ABCA9: variants seen among roughly 807,000 people sequenced by gnomAD.
The protein encoded by ABCA9 is ATP-binding cassette sub-family A member 9.
ABCA9 carries 183 observed loss-of-function variants against 205.3 expected under a neutral mutation model. That is an observed-to-expected ratio of 0.89 (90% CI 0.79 to 1.01). The LOEUF (loss-of-function observed/expected upper bound fraction) is 1.01, where lower values mean the gene tolerates loss of function less well. ABCA9 is among the 50% of genes least tolerant of loss of function. The pLI, the probability that ABCA9 is intolerant of heterozygous loss-of-function variation, is 0.00. For synonymous variants in ABCA9, 651 were observed against 683.3 expected (o/e 0.95, Z 0.74); for missense variants, 1,805 against 1,912.4 (o/e 0.94, Z 1.05).
intron 16 of ABCA9, among the ~76,000 whole-genome samples, chr17:69,025,219 A>G (rs1490205021): frequency 6.6e-6 from 1 of 152,188 alleles, no homozygotes; most frequent in Non-Finnish European, 1.5e-5. Context: ...CTTGTCAAGT[A>G]TTCATTCACT....
the ABCA9 span, among the ~76,000 whole-genome samples, chr17:69,074,377 C>T: frequency 6.6e-6 from 1 of 152,106 alleles, no homozygotes; most frequent in Non-Finnish European, 1.5e-5. Flanking sequence ...GTATAGTAAA[C>T]AATGGTTAGT....
chr17:68,977,961 A>G (rs2068934866), intron 37 of ABCA9, among the ~76,000 whole-genome samples: 1 of 152,174 alleles, frequency 6.6e-6, no homozygotes, highest in African/African-American at 2.4e-5. Context: ...TTTGGGGTGG[A>G]GAGTTCTGTA....
rs990011868 is a variant in ABCA9, at chr17:68,974,620, A to G, written c.*1295T>C. 1.3e-5 allele frequency: 2 copies of G among 152,182 alleles called. No homozygotes were observed. The highest frequency in any genetic ancestry group is 2.9e-5 in the Non-Finnish European group (2 of 68,020). 9.4% of individuals were successfully genotyped at this position (152,182 alleles called of 1,614,324 possible). On this transcript the variant is annotated 3_prime_UTR_variant, in exon 39 of 39. Coordinates refer to ENST00000340001, the MANE Select transcript of ABCA9 (RefSeq NM_080283.4). ...CAATAATAATAGTATTAACAAGAAA[A>G]ACTCACCTAAATAAGAGTATACAAG...
At chr17:69,051,240 T>C in intron 1 of ABCA9, 101 bp from the exon 2 acceptor site, 1 of 1,020,590 alleles carries the variant, frequency 9.8e-7, no homozygotes, top group East Asian at 2.7e-5. Context: ...CTGTTTCCAG[T>C]TGCATTCCTG....
At chr17:69,026,861 T>TC in intron 15 of ABCA9, 115 bp downstream of exon 15, 1 of 1,298,826 alleles carries the variant, frequency 7.7e-7, no homozygotes, top group Non-Finnish European at 1.0e-6. Context: ...AGAGCAAAAT[T>TC]CTCCTGTCTT....
chr17:69,014,474 C>T (rs9889750), intron 22 of ABCA9, among the ~76,000 whole-genome samples: 3 of 152,016 alleles, frequency 2.0e-5, no homozygotes, highest in Non-Finnish European at 2.9e-5. Context: ...TGGTCCCAAA[C>T]GTTTCAGATA....
intron 6 of ABCA9, among the ~76,000 whole-genome samples, chr17:69,036,257 CACAA>C (rs1444453597): frequency 1.3e-5 from 2 of 152,048 alleles, no homozygotes; most frequent in Non-Finnish European, 2.9e-5. Context: ...GCCATTGTAG[CACAA>C]ACACAGTCAT....
chr17:68,982,517 G>T, intron 37 of ABCA9, 45 bp downstream of exon 37: 1 of 1,427,490 alleles, frequency 7.0e-7, no homozygotes, highest in Non-Finnish European at 9.9e-7. Flanking sequence ...TCAGATTTAG[G>T]CTTATCTGTT....
At chr17:69,076,859 G>A in the ABCA9 span, among the ~76,000 whole-genome samples, 1 of 151,732 alleles carries the variant, frequency 6.6e-6, no homozygotes, top group Admixed American at 6.6e-5. Flanking sequence ...TTGTAATGTC[G>A]CCTTTGTCAT....
intron 23 of ABCA9, among the ~76,000 whole-genome samples, chr17:69,010,911 TAA>T: frequency 6.6e-6 from 1 of 152,190 alleles, no homozygotes; most frequent in South Asian, 2.1e-4. Context: ...GTTAGGAAAA[TAA>T]AAAGTTTTAT....
intron 15 of ABCA9, 32 bp from the exon 16 acceptor site, chr17:69,026,499 T>G (rs751002177): frequency 9.1e-6 from 14 of 1,537,136 alleles, no homozygotes; most frequent in Non-Finnish European, 1.3e-5. Flanking sequence ...ATAAGTTACA[T>G]GAAGGACTTA....
In ABCA9 at chr17:69,050,588, A is replaced by G. The variant is rs1379277544; in HGVS notation, c.96+443T>C. 2.0e-5 allele frequency among the ~76,000 whole-genome samples: 3 copies of G among 152,092 alleles called. No homozygotes were observed. In the East Asian group the frequency reaches 5.8e-4, roughly 29 times the overall value. On this transcript the variant is annotated intron_variant, in intron 2 of 38. Transcript: ENST00000340001. The stretch of plus-strand genomic sequence containing the variant: ...TGATTATTATTTCTTTCAAACTGAC[A>G]TTGTCTGTGTCTATAATGACATTGT...
At chr17:68,996,105 T>C (rs1170105262) in intron 25 of ABCA9, 91 bp from the exon 26 acceptor site, 1 of 1,396,900 alleles carries the variant, frequency 7.2e-7, no homozygotes, top group Non-Finnish European at 9.7e-7. Context: ...TTTATAAACG[T>C]TGTTATTTTC....
chr17:69,074,558 T>A, the ABCA9 span, among the ~76,000 whole-genome samples: 1 of 152,236 alleles, frequency 6.6e-6, no homozygotes, highest in African/African-American at 2.4e-5. Context: ...TGTGTCCATG[T>A]TGTTGCAAAG....
At chr17:69,015,417 G>A (rs931582571) in intron 22 of ABCA9, among the ~76,000 whole-genome samples, 24 of 152,062 alleles carry the variant, frequency 1.6e-4, no homozygotes, top group African/African-American at 5.3e-4. Flanking sequence ...ACATAGAAGT[G>A]CACACCCACA....
At chr17:69,038,352 CA>C (rs1313681274) in intron 6 of ABCA9, among the ~76,000 whole-genome samples, 3 of 152,106 alleles carry the variant, frequency 2.0e-5, no homozygotes, top group Non-Finnish European at 2.9e-5. Context: ...AGCAGCACAT[CA>C]AAAAGTTTAT....
chr17:68,976,233 TC>T, intron 37 of ABCA9, 43 bp from the exon 38 acceptor site: 1 of 1,568,396 alleles, frequency 6.4e-7, no homozygotes, highest in Non-Finnish European at 8.7e-7. Context: ...ATTTTTTTTT[TC>T]AGTGAGTTTT....
rs544652435 is a variant in ABCA9, at chr17:69,007,623, G to A, written c.3435+136C>T. The A allele has an allele frequency of 3.3e-5, 20 of 599,590 alleles. No homozygotes were observed. The South Asian group carries it at 3.7e-4, about 11-fold the overall frequency. 37.1% of individuals were successfully genotyped at this position (599,590 alleles called of 1,614,324 possible). A position where few individuals can be genotyped will look rare whatever the true frequency, so the allele number is the denominator to read the frequency against. On this transcript the variant is annotated intron_variant, in intron 25 of 38. Coordinates refer to ENST00000340001, the MANE Select transcript of ABCA9 (RefSeq NM_080283.4). Reference sequence around the variant, plus strand: ...TCACTCATAGAGTAGACTTTAAATAGTACTTTGATTATCTTAGAAGAATTA... The same window carrying A: ...TCACTCATAGAGTAGACTTTAAATAATACTTTGATTATCTTAGAAGAATTA...
Position 68,984,288 on chromosome 17 carries a change from G to A in ABCA9, c.4380-113C>T. ...TGAAACATGCAGCGAATTCAGACTA[G>A]ACAAAAAAGGGGTGTGTGTAGGGAT... On this transcript the variant is annotated intron_variant, in intron 34 of 38. Transcript: ENST00000340001. 7.7e-6 allele frequency: 11 copies of A among 1,427,322 alleles called. No individual in the cohort carries two copies. In the Admixed American group the frequency reaches 8.6e-5, roughly 11 times the overall value. The allele number at this position is 1,427,322 out of a possible 1,614,324, so 88.4% of individuals were successfully genotyped here.
Sources: allele counts gnomAD v4.1 joint callset (sites outside exome capture counted in the v4.1 genomes callset), GRCh38; gene constraint gnomAD v4.1.1; transcripts MANE v1.5; gene names NCBI Gene and HGNC (gene_info 2026-07-23, HGNC 2026-07-21).